Variants in C10orf143 observed in about 807,000 individuals in gnomAD.
C10orf143 encodes uncharacterized protein C10orf143.
At chr10:130,097,813 C>T (rs949470126) in intron 1 of C10orf143, among the ~76,000 whole-genome samples, 2 of 152,004 alleles carry the variant, frequency 1.3e-5, no homozygotes, top group African/African-American at 4.8e-5. Context: ...TGCAGGAGAC[C>T]CTATCAGGTA....
At chr10:130,060,780 G>C (rs1476656225), downstream of C10orf143, among the ~76,000 whole-genome samples, 1 of 129,468 alleles carries the variant, frequency 7.7e-6, no homozygotes, top group Admixed American at 9.4e-5. Flanking sequence ...CCGAGATCAC[G>C]CCACTGCACT....
At chr10:130,080,233 C>G (rs929095477) in intron 1 of C10orf143, among the ~76,000 whole-genome samples, 1 of 152,122 alleles carries the variant, frequency 6.6e-6, no homozygotes, top group African/African-American at 2.4e-5. Flanking sequence ...AAATTTTGTT[C>G]AAGAAACTAG....
At chr10:130,038,168 G>T (rs556757923) in intron 3 of C10orf143, among the ~76,000 whole-genome samples, 1 of 152,144 alleles carries the variant, frequency 6.6e-6, no homozygotes, top group Admixed American at 6.5e-5. Context: ...CTTCCAGCAG[G>T]TACAGGCACA....
chr10:130,046,682 T>C (rs1860677512), intron 3 of C10orf143, among the ~76,000 whole-genome samples: 1 of 152,208 alleles, frequency 6.6e-6, no homozygotes, highest in Non-Finnish European at 1.5e-5. Flanking sequence ...GAAACTGCCG[T>C]CTCCGCGCTG....
At chr10:130,082,982 A>G (rs1861233210) in intron 1 of C10orf143, among the ~76,000 whole-genome samples, 1 of 152,232 alleles carries the variant, frequency 6.6e-6, no homozygotes, top group Admixed American at 6.5e-5. Context: ...AATCCTAAAC[A>G]ACATCAAAAG....
chr10:130,075,585 G>A (rs903225851), intron 3 of C10orf143, among the ~76,000 whole-genome samples: 4 of 152,228 alleles, frequency 2.6e-5, no homozygotes, highest in African/African-American at 9.6e-5. Flanking sequence ...TGGAAGAGAT[G>A]AGAAGCCAAA....
intron 1 of C10orf143, chr10:130,107,846 C>T (rs755289295): frequency 7.2e-6 from 9 of 1,252,808 alleles, no homozygotes; most frequent in Middle Eastern, 1.9e-4. Context: ...GGAACAGGAC[C>T]GTAGGATGAT....
chr10:130,103,879 A>AT (rs371432533), intron 1 of C10orf143, among the ~76,000 whole-genome samples: 1 of 151,590 alleles, frequency 6.6e-6, no homozygotes, highest in Non-Finnish European at 1.5e-5. Flanking sequence ...AGAAAAAAAA[A>AT]ATATTATCGA....
rs1360224059 is a variant in C10orf143 at position 130,064,046 on chromosome 10, A to G, written c.*308T>C. 2 of 268,260 alleles carry G rather than the reference A, an allele frequency of 7.5e-6. No homozygotes were observed. Among genetic ancestry groups the G allele is most frequent in the Non-Finnish European group, 1.4e-5 (2 of 143,944 alleles). The allele number at this position is 268,260 out of a possible 1,614,324, so 16.6% of individuals were successfully genotyped here. A position where few individuals can be genotyped will look rare whatever the true frequency, so the allele number is the denominator to read the frequency against. ...CCAAGCTCATAGGAAGTTTGATACA[A>G]AATTTTTTGACTTGTAAATAATGCA... is the stretch of plus-strand genomic sequence containing the variant. On this transcript the variant is annotated 3_prime_UTR_variant, in exon 4 of 4. Coordinates refer to ENST00000637128, the MANE Select transcript of C10orf143 (RefSeq NM_001355042.2).
intron 3 of C10orf143, among the ~76,000 whole-genome samples, chr10:130,057,442 A>G (rs1252636239): frequency 6.6e-6 from 1 of 152,200 alleles, no homozygotes; most frequent in Non-Finnish European, 1.5e-5. Context: ...GATGCCGAAG[A>G]CTTGACAGTG....
intron 3 of C10orf143, among the ~76,000 whole-genome samples, chr10:130,069,094 A>G (rs893175836): frequency 1.3e-5 from 2 of 152,228 alleles, no homozygotes; most frequent in Non-Finnish European, 2.9e-5. Flanking sequence ...ATCCACACCT[A>G]AACACATCAT....
At chr10:130,039,088 A>T (rs1194637898) in intron 3 of C10orf143, among the ~76,000 whole-genome samples, 3 of 152,068 alleles carry the variant, frequency 2.0e-5, no homozygotes, top group African/African-American at 4.8e-5. Context: ...AGCTGGGAAC[A>T]GTGACACTAG....
At chr10:130,073,219 T>G (rs1027821037) in intron 3 of C10orf143, among the ~76,000 whole-genome samples, 2 of 152,182 alleles carry the variant, frequency 1.3e-5, no homozygotes, top group African/African-American at 4.8e-5. Flanking sequence ...ACAGGACAGT[T>G]CTGCACCTGC....
intron 1 of C10orf143, among the ~76,000 whole-genome samples, chr10:130,080,224 A>C (rs1861184423): frequency 6.6e-6 from 1 of 152,198 alleles, no homozygotes; most frequent in South Asian, 2.1e-4. Flanking sequence ...AAAACCTATA[A>C]ATTTTGTTCA....
chr10:130,062,319 T>A (rs1309905155), downstream of C10orf143, among the ~76,000 whole-genome samples: 1 of 152,176 alleles, frequency 6.6e-6, no homozygotes, highest in African/African-American at 2.4e-5. Context: ...CCTGGGTGTG[T>A]CTGTGAGGGT....
chr10:130,035,345 C>A (rs1860533519), intron 4 of C10orf143, among the ~76,000 whole-genome samples: 1 of 152,180 alleles, frequency 6.6e-6, no homozygotes, highest in Non-Finnish European at 1.5e-5. Flanking sequence ...TTAGGACCCA[C>A]CCCAAAGACC....
rs112214906 is a variant in C10orf143, at chr10:130,108,601, A to G, written c.69+2103T>C. 1.4e-4 allele frequency: 77 copies of G among 536,814 alleles called. 2 individuals are homozygous for G. Among genetic ancestry groups the G allele is most frequent in the African/African-American group, 1.2e-3 (65 of 52,694 alleles). 33.3% of individuals were successfully genotyped at this position (536,814 alleles called of 1,614,324 possible). ...TATTTTGTAAATAAGGATGATTTAAATATGAATCTTATAAGTAAATTATTT... is the reference window on the plus strand; with the variant it reads ...TATTTTGTAAATAAGGATGATTTAAGTATGAATCTTATAAGTAAATTATTT... On this transcript the variant is annotated intron_variant, in intron 1 of 3. Coordinates refer to ENST00000637128, the MANE Select transcript of C10orf143 (RefSeq NM_001355042.2).
chr10:130,067,443 A>G (rs1229922872), intron 3 of C10orf143: 1 of 152,040 alleles, frequency 6.6e-6, no homozygotes, highest in Non-Finnish European at 1.5e-5. Flanking sequence ...CTTTTTGCTG[A>G]AGCCATTTTT....
chr10:130,064,591 T>A (rs1046131255), intron 3 of C10orf143, among the ~76,000 whole-genome samples: 1 of 152,274 alleles, frequency 6.6e-6, no homozygotes, highest in Admixed American at 6.5e-5. Context: ...CAGTAGTGAC[T>A]GGTACACAGA....
Sources: gnomAD v4.1 joint callset for allele counts (sites outside exome capture counted in the v4.1 genomes callset) on GRCh38, gnomAD v4.1.1 for gene constraint, MANE v1.5 for transcripts, NCBI Gene and HGNC (gene_info 2026-07-23, HGNC 2026-07-21) for gene names.